Variants in MCTP2 observed in about 807,000 individuals in gnomAD.
MCTP2 encodes multiple C2 and transmembrane domain containing 2.
In MCTP2, 132 loss-of-function variants were observed where a neutral mutation model predicts 111.6. The observed-to-expected ratio is 1.18, with a 90% confidence interval of 1.03 to 1.37. The LOEUF (loss-of-function observed/expected upper bound fraction) is 1.37. Ranked by LOEUF, MCTP2 falls within the 40% of genes most tolerant of loss-of-function variation. The pLI, the probability that MCTP2 is intolerant of heterozygous loss-of-function variation, is 0.00. For synonymous variants in MCTP2, 395 were observed against 387.7 expected, an observed-to-expected ratio of 1.02 and a Z score of -0.22; for missense variants, 1,183 against 1,067.9, an observed-to-expected ratio of 1.11 and a Z score of -1.50.
At position 94,443,395 on chromosome 15, in the gene MCTP2, T is replaced by C. The variant is rs537184729; in HGVS notation, c.2250+435T>C. On this transcript the variant is annotated intron_variant, in intron 19 of 22. Coordinates refer to ENST00000357742, the MANE Select transcript of MCTP2 (RefSeq NM_001385001.1). ...GGCAGCGTTTTCAGCTATATGTCTG[T>C]GTACATCTGTCCTTTTCCTTCTCCT... Among the ~76,000 whole-genome samples the C allele has an allele frequency of 1.2e-4, 19 of 152,356 alleles. No homozygotes were observed. In the South Asian group the frequency reaches 3.9e-3, roughly 32 times the overall value.
intron 1 of MCTP2, among the ~76,000 whole-genome samples, chr15:94,234,134 AGT>A (rs2070380450): frequency 6.6e-6 from 1 of 152,098 alleles, no homozygotes; most frequent in Admixed American, 6.5e-5. Flanking sequence ...TGTTTATAAA[AGT>A]GTGCCTGACC....
intron 17 of MCTP2, among the ~76,000 whole-genome samples, chr15:94,426,982 GTC>G (rs1191913377): frequency 1.3e-5 from 2 of 151,792 alleles, no homozygotes; most frequent in Admixed American, 6.6e-5. Flanking sequence ...TCTAATTTTT[GTC>G]TCCCAACTCT....
At chr15:94,332,599 A>T (rs2077179657) in intron 4 of MCTP2, among the ~76,000 whole-genome samples, 1 of 152,238 alleles carries the variant, frequency 6.6e-6, no homozygotes. Flanking sequence ...GTTATCAGAT[A>T]TTCGAAAATG....
intron 4 of MCTP2, among the ~76,000 whole-genome samples, chr15:94,336,368 A>C (rs1049567407): frequency 6.6e-6 from 1 of 152,034 alleles, no homozygotes; most frequent in Non-Finnish European, 1.5e-5. Flanking sequence ...TTCTGTTGGG[A>C]CACTTCCTTC....
chr15:94,444,651 T>C (rs1398838675), intron 19 of MCTP2, among the ~76,000 whole-genome samples: 1 of 152,190 alleles, frequency 6.6e-6, no homozygotes, highest in East Asian at 1.9e-4. Flanking sequence ...CCAAATATTA[T>C]AGCAAAAGAT....
At chr15:94,390,585 A>T (rs1425800406) in intron 14 of MCTP2, among the ~76,000 whole-genome samples, 1 of 152,132 alleles carries the variant, frequency 6.6e-6, no homozygotes, top group Non-Finnish European at 1.5e-5. Context: ...AAAATTACCC[A>T]ATGGACCCAT....
chr15:94,370,550 A>G (rs2079430271), intron 12 of MCTP2, among the ~76,000 whole-genome samples: 2 of 152,202 alleles, frequency 1.3e-5, no homozygotes, highest in Non-Finnish European at 2.9e-5. Flanking sequence ...TCTGTGCTGA[A>G]TGGTTCACAT....
chr15:94,321,622 G>T (rs2076634313), intron 4 of MCTP2, among the ~76,000 whole-genome samples: 1 of 152,188 alleles, frequency 6.6e-6, no homozygotes, highest in Non-Finnish European at 1.5e-5. Flanking sequence ...ACTTGTGTCA[G>T]TTTGCCAATT....
rs115630074 is a variant in MCTP2 at position 94,242,256 on chromosome 15, T to A, written c.-66+10592T>A. 3.5e-3 allele frequency among the ~76,000 whole-genome samples: 531 copies of A among 152,234 alleles called. 2 individuals carry two copies. The highest frequency in any genetic ancestry group is 0.012 in the African/African-American group (508 of 41,562). On this transcript the variant is annotated intron_variant, in intron 1 of 22. Coordinates refer to ENST00000357742, the MANE Select transcript of MCTP2 (RefSeq NM_001385001.1). ...ATATATTAGCTGTGGGACGTTGACA[T>A]CTCTGGAACTCAGTTTTCTCATTTG...
At chr15:94,466,420 G>C (rs1298179436) in intron 20 of MCTP2, among the ~76,000 whole-genome samples, 1 of 152,022 alleles carries the variant, frequency 6.6e-6, no homozygotes, top group Non-Finnish European at 1.5e-5. Context: ...TACCAATCTA[G>C]GTCCTTTCTT....
intron 1 of MCTP2, among the ~76,000 whole-genome samples, chr15:94,239,998 G>GATCC (rs1422804730): frequency 1.3e-5 from 2 of 152,070 alleles, no homozygotes; most frequent in Non-Finnish European, 2.9e-5. Flanking sequence ...ATGAGCCCAA[G>GATCC]ATCCAGAATT....
intron 19 of MCTP2, among the ~76,000 whole-genome samples, chr15:94,445,359 A>G (rs2084054147): frequency 6.6e-6 from 1 of 152,132 alleles, no homozygotes; most frequent in Non-Finnish European, 1.5e-5. Flanking sequence ...CCAATTTTAT[A>G]TTTCTATGAA....
intron 1 of MCTP2, among the ~76,000 whole-genome samples, chr15:94,288,295 G>A (rs1212462140): frequency 6.6e-6 from 1 of 152,150 alleles, no homozygotes; most frequent in Non-Finnish European, 1.5e-5. Flanking sequence ...GGAAGGGCTT[G>A]GGAAATGATC....
chr15:94,296,309 C>T (rs2075274696), intron 1 of MCTP2, among the ~76,000 whole-genome samples: 2 of 152,268 alleles, frequency 1.3e-5, no homozygotes, highest in East Asian at 1.9e-4. Flanking sequence ...TTTAGGATAA[C>T]GTTTTTAAAA....
chr15:94,345,312 C>T, intron 8 of MCTP2, 148 bp downstream of exon 8: 1 of 741,482 alleles, frequency 1.3e-6, no homozygotes, highest in Non-Finnish European at 2.2e-6. Flanking sequence ...AGAAAACAAC[C>T]TTCCTTTAAA....
chr15:94,390,069 T>TATATATATATAC (rs2080805150), intron 14 of MCTP2, among the ~76,000 whole-genome samples: 1 of 11,104 alleles, frequency 9.0e-5, no homozygotes, highest in African/African-American at 1.6e-4. Context: ...TATATATATA[T>TATATATATATAC]ATATATATAT....
chr15:94,267,496 G>A (rs1389939529), intron 1 of MCTP2, among the ~76,000 whole-genome samples: 3 of 152,032 alleles, frequency 2.0e-5, no homozygotes, highest in South Asian at 2.1e-4. Context: ...TAAAGTTTTT[G>A]ACAACTTTGA....
At chr15:94,372,545 T>C (rs1567555595) in intron 12 of MCTP2, among the ~76,000 whole-genome samples, 1 of 152,236 alleles carries the variant, frequency 6.6e-6, no homozygotes, top group African/African-American at 2.4e-5. Context: ...GATCAGGCAT[T>C]ACTGCTGTTA....
At chr15:94,293,705 T>C (rs2075131838) in intron 1 of MCTP2, among the ~76,000 whole-genome samples, 1 of 152,360 alleles carries the variant, frequency 6.6e-6, no homozygotes, top group Non-Finnish European at 1.5e-5. Context: ...TTAAAAGTCC[T>C]GATGGTACTA....
Sources: gnomAD v4.1 joint callset for allele counts (sites outside exome capture counted in the v4.1 genomes callset) on GRCh38, gnomAD v4.1.1 for gene constraint, MANE v1.5 for transcripts, NCBI Gene and HGNC (gene_info 2026-07-23, HGNC 2026-07-21) for gene names.